Variants in RBL1 observed in about 807,000 individuals in gnomAD.
RBL1 encodes the protein RB transcriptional corepressor like 1.
A neutral mutation model predicts 123.0 loss-of-function variants in RBL1; 82 were observed. The observed-to-expected ratio is 0.67, with a 90% CI of 0.56 to 0.80. The LOEUF (loss-of-function observed/expected upper bound fraction) is 0.80, where lower values mean the gene tolerates loss of function less well. Ranked by LOEUF, RBL1 falls within the 30% of genes least tolerant of loss-of-function variation. RBL1 has a pLI of 0.00. For synonymous variants in RBL1, 405 were observed against 441.3 expected (o/e 0.92, Z 1.03); for missense variants, 1,171 against 1,299.6 (o/e 0.90, Z 1.52).
intron 2 of RBL1, among the ~76,000 whole-genome samples, chr20:37,072,498 G>A (rs554362092): frequency 4.0e-5 from 6 of 151,702 alleles, no homozygotes; most frequent in Non-Finnish European, 5.9e-5. Flanking sequence ...GCGAAACTCC[G>A]TCTTAAAAAA....
intron 6 of RBL1, among the ~76,000 whole-genome samples, chr20:37,065,894 G>A (rs1364320128): frequency 2.6e-5 from 4 of 152,124 alleles, no homozygotes; most frequent in South Asian, 2.1e-4. Context: ...GATTACAGGC[G>A]TGAGCCACCG....
Position 37,067,047 on chromosome 20 carries a change from C to T in RBL1, c.631G>A (p.Ala211Thr), listed in dbSNP as rs778689360. ...CTATTTGGGCACATAATCGCATTGG[C>T]AAAAATCAGATCCAAGCAGCATAGA... ...LLLCCLDLIF[A>T]NAIMCPNRQD... Residue 211 changes from alanine (A) to threonine (T), a missense_variant, in exon 5 of 22, where the codon GCC becomes ACC. By Grantham distance (58) the Ala-to-Thr change is moderately conservative. Coordinates refer to ENST00000373664, the MANE Select transcript of RBL1 (RefSeq NM_002895.5). The T allele has an allele frequency of 7.5e-6, 12 of 1,606,452 alleles. No homozygotes were observed. Among genetic ancestry groups the T allele is most frequent in the Admixed American group, 6.8e-5 (4 of 59,096 alleles).
At chr20:37,073,757 A>G (rs943953909) in intron 2 of RBL1, among the ~76,000 whole-genome samples, 3 of 151,018 alleles carry the variant, frequency 2.0e-5, no homozygotes, top group African/African-American at 7.3e-5. Context: ...GGCAGCATGT[A>G]CCTGTAGTCC....
chr20:37,013,606 T>A (rs1217728918), intron 19 of RBL1, among the ~76,000 whole-genome samples: 4 of 141,062 alleles, frequency 2.8e-5, no homozygotes, highest in Admixed American at 6.9e-5. Flanking sequence ...AAAAAAAAAA[T>A]TTGAGACACT....
intron 9 of RBL1, among the ~76,000 whole-genome samples, chr20:37,056,475 C>T (rs908448832): frequency 3.3e-5 from 5 of 151,802 alleles, no homozygotes; most frequent in African/African-American, 9.7e-5. Flanking sequence ...CTGTCTCAAC[C>T]TCCCAAGTAG....
chr20:37,049,583 G>A, intron 11 of RBL1: 2 of 755,618 alleles, frequency 2.6e-6, no homozygotes, highest in Non-Finnish European at 4.9e-6. Context: ...GGCAAAATTA[G>A]TTGCTTTCGT....
At chr20:37,001,772 A>G (rs1481735214) in intron 21 of RBL1, among the ~76,000 whole-genome samples, 1 of 130,014 alleles carries the variant, frequency 7.7e-6, no homozygotes, top group Admixed American at 7.5e-5. Flanking sequence ...AAAAAAATGG[A>G]AAAAAAAAAA....
At chr20:37,065,739 A>G (rs1203840144) in intron 6 of RBL1, among the ~76,000 whole-genome samples, 2 of 151,698 alleles carry the variant, frequency 1.3e-5, no homozygotes, top group Non-Finnish European at 2.9e-5. Context: ...TCAGCGTGCC[A>G]AGTAGCTGGG....
intron 2 of RBL1, among the ~76,000 whole-genome samples, chr20:37,080,849 T>G (rs1332861518): frequency 2.6e-5 from 4 of 152,172 alleles, no homozygotes; most frequent in Admixed American, 2.6e-4. Context: ...CCACCTAGGC[T>G]CTTTTAAGTT....
chr20:37,061,472 CACT>C (rs1466964510), intron 8 of RBL1, among the ~76,000 whole-genome samples: 2 of 151,936 alleles, frequency 1.3e-5, no homozygotes, highest in African/African-American at 4.8e-5. Context: ...ATCTTCACAC[CACT>C]GATTTGAAAG....
rs751081015 is a variant in RBL1, at chr20:37,018,268, G to T, written c.2722+11C>A. On this transcript the variant is annotated intron_variant, in intron 19 of 21. Transcript: ENST00000373664. ...TGTTTTACATATAATATGTTAAATT[G>T]GATAACTTACCACAATCTATCATTT... 1.9e-6 allele frequency: 3 copies of T among 1,600,818 alleles called. No individual in the cohort carries two copies. The East Asian group carries it at 6.7e-5, about 36-fold the overall frequency.
intron 6 of RBL1, 59 bp from the exon 7 acceptor site, chr20:37,065,532 A>C (rs1271468297): frequency 8.9e-7 from 1 of 1,124,186 alleles, no homozygotes; most frequent in Non-Finnish European, 1.3e-6. Flanking sequence ...TACACACACA[A>C]ACGTGAAATT....
At chr20:37,083,630 C>CAAAAAACAA (rs2065491377) in intron 2 of RBL1, among the ~76,000 whole-genome samples, 1 of 57,362 alleles carries the variant, frequency 1.7e-5, no homozygotes, top group East Asian at 6.6e-4. Flanking sequence ...ACTAAAAATA[C>CAAAAAACAA]AAAAAAAAAA....
rs577163508 is a variant in RBL1, at chr20:37,063,266, C to T, written c.897-996G>A. ...ATAGTTTTTGTACTTTCAGTAGAGA[C>T]GGGGTTTCACCATGTTGGCCCACCT... On this transcript the variant is annotated intron_variant, in intron 7 of 21. Transcript: ENST00000373664. Among the ~76,000 whole-genome samples, 26 of 151,974 alleles carry T rather than the reference C, an allele frequency of 1.7e-4. 1 individual carries two copies. The South Asian group carries it at 3.7e-3, about 22-fold the overall frequency.
chr20:37,058,017 C>T lies in RBL1; in HGVS notation c.1251-1759G>A, dbSNP rs184595737. 2.6e-4 allele frequency among the ~76,000 whole-genome samples: 39 copies of T among 151,338 alleles called. 1 individual carries two copies. The East Asian group carries it at 5.9e-3, about 23-fold the overall frequency. ...GTGCATGCCTGTCATCCCAGCTACT[C>T]AGGAGGCTGAGGCAGGAGAATCGAT... On this transcript the variant is annotated intron_variant, in intron 9 of 21. Transcript: ENST00000373664.
chr20:37,045,077 T>TTTAC (rs373690469), intron 12 of RBL1, among the ~76,000 whole-genome samples: 12,706 of 144,086 alleles, frequency 0.088, 673 homozygotes, highest in African/African-American at 0.14. Flanking sequence ...TTCACATTTA[T>TTTAC]TTACTTATTT....
intron 2 of RBL1, among the ~76,000 whole-genome samples, chr20:37,088,644 C>T (rs2065594012): frequency 6.6e-6 from 1 of 151,384 alleles, no homozygotes; most frequent in Non-Finnish European, 1.5e-5. Flanking sequence ...CATTTGAGGT[C>T]AGGAGTTCGA....
rs80348869 is a variant in RBL1, at chr20:37,087,581, C to T, written c.290+1408G>A. Among the ~76,000 whole-genome samples the T allele has an allele frequency of 2.2e-4, 33 of 152,084 alleles. No individual in the cohort carries two copies. In the East Asian group the frequency reaches 5.0e-3, roughly 23 times the overall value. ...GAGGCCTGGGCAATACAGCAAGACT[C>T]GGCCTCTAAAAAAATTTTTTTTAAT... On this transcript the variant is annotated intron_variant, in intron 2 of 21. Transcript: ENST00000373664.
intron 16 of RBL1, among the ~76,000 whole-genome samples, chr20:37,030,852 C>A (rs2064497954): frequency 7.2e-6 from 1 of 139,126 alleles, no homozygotes; most frequent in South Asian, 2.4e-4. Flanking sequence ...GAGACTCTGT[C>A]TCAAAAAAAA....
Sources: allele counts gnomAD v4.1 joint callset (sites outside exome capture counted in the v4.1 genomes callset), GRCh38; gene constraint gnomAD v4.1.1; transcripts MANE v1.5; gene names NCBI Gene and HGNC (gene_info 2026-07-23, HGNC 2026-07-21).